GPC6: variants seen among roughly 807,000 people sequenced by gnomAD.
GPC6 encodes glypican-6.
Under a neutral mutation model 55.2 loss-of-function variants are expected in GPC6, and 14 were observed. The observed-to-expected ratio is 0.25, with a 90% CI of 0.17 to 0.40. GPC6 has a LOEUF of 0.40. Ranked by LOEUF, GPC6 falls within the 10% of genes least tolerant of loss-of-function variation. The pLI, the probability that GPC6 is intolerant of heterozygous loss-of-function variation, is 1.00. For synonymous variants in GPC6, 278 were observed against 259.6 expected (o/e 1.07, Z -0.68); for missense variants, 641 against 708.5 (o/e 0.90, Z 1.08).
intron 2 of GPC6, among the ~76,000 whole-genome samples, chr13:93,819,843 G>A (rs1189097429): frequency 6.6e-6 from 1 of 152,146 alleles, no homozygotes; most frequent in East Asian, 1.9e-4. Flanking sequence ...ATCTTTGGGA[G>A]AAATAACCTA....
chr13:94,342,418 G>A (rs117994039), intron 6 of GPC6, among the ~76,000 whole-genome samples: 109 of 152,284 alleles, frequency 7.2e-4, no homozygotes, highest in Non-Finnish European at 1.4e-3. Context: ...TACAGAGGAA[G>A]AACACCGTGT....
intron 2 of GPC6, among the ~76,000 whole-genome samples, chr13:93,818,021 TTA>T (rs1180625942): frequency 1.4e-5 from 2 of 147,500 alleles, no homozygotes; most frequent in African/African-American, 4.9e-5. Context: ...TACTTATATA[TTA>T]TAGATGTATT....
At chr13:93,716,235 T>C (rs1254480244) in intron 2 of GPC6, among the ~76,000 whole-genome samples, 1 of 151,684 alleles carries the variant, frequency 6.6e-6, no homozygotes, top group African/African-American at 2.4e-5. Context: ...TTTTAATCAT[T>C]ATTTCAGAGC....
intron 2 of GPC6, among the ~76,000 whole-genome samples, chr13:93,739,008 A>T (rs1186577141): frequency 6.6e-6 from 1 of 152,008 alleles, no homozygotes; most frequent in African/African-American, 2.4e-5. Flanking sequence ...TTCAGTAAAG[A>T]TATAATGACA....
At chr13:93,738,134 T>C (rs961883260) in intron 2 of GPC6, among the ~76,000 whole-genome samples, 5 of 152,214 alleles carry the variant, frequency 3.3e-5, no homozygotes, top group African/African-American at 1.2e-4. Context: ...TTAAGGAAAA[T>C]GCTAGTGCTT....
Position 94,382,503 on chromosome 13 carries a change from G to C in GPC6, c.1242G>C (p.Ala414=). The part of the protein sequence containing the change: ...YTICKDESVT[A]GTSNEEECWN... ...TCTGCAAGGACGAGAGCGTGACAGC[G>C]GGCACGTCCAACGAGGAGGAATGCT... Residue 414 remains alanine, a synonymous_variant, in exon 7 of 9, where the codon GCG becomes GCC. Coordinates refer to ENST00000377047, the MANE Select transcript of GPC6 (RefSeq NM_005708.5). 1 of 1,614,146 alleles carries C rather than the reference G, an allele frequency of 6.2e-7. No homozygotes were observed. The highest frequency in any genetic ancestry group is 1.7e-5 in the Admixed American group (1 of 60,020).
At chr13:93,507,175 G>C (rs1162351780) in intron 1 of GPC6, among the ~76,000 whole-genome samples, 15 of 151,132 alleles carry the variant, frequency 9.9e-5, no homozygotes, top group Non-Finnish European at 2.1e-4. Context: ...AAACAGGAAA[G>C]TAGGAAAGTG....
Position 94,324,560 on chromosome 13 carries a change from T to A in GPC6, c.1152+18437T>A, listed in dbSNP as rs143028560. ...AGCCACAAGAAGAATCTTGCAGCTA[T>A]TTTTATCTTCCCTCATCTTGACACC... On this transcript the variant is annotated intron_variant, in intron 6 of 8. Transcript: ENST00000377047. 8.4e-3 allele frequency among the ~76,000 whole-genome samples: 1,274 copies of A among 152,276 alleles called. 48 individuals carry two copies. Among genetic ancestry groups the A allele is most frequent in the Admixed American group, 0.072 (1,094 of 15,290 alleles).
chr13:93,635,361 T>C (rs898046913), intron 2 of GPC6, among the ~76,000 whole-genome samples: 1 of 152,186 alleles, frequency 6.6e-6, no homozygotes, highest in Non-Finnish European at 1.5e-5. Context: ...TCATGAAATA[T>C]TGAGCCTCCA....
intron 3 of GPC6, among the ~76,000 whole-genome samples, chr13:93,954,947 C>G (rs1234830983): frequency 6.6e-6 from 1 of 152,098 alleles, no homozygotes; most frequent in Non-Finnish European, 1.5e-5. Flanking sequence ...GAGTTGTCCC[C>G]ATAACAACCA....
chr13:94,180,379 C>T (rs1287889039), intron 4 of GPC6, among the ~76,000 whole-genome samples: 1 of 152,112 alleles, frequency 6.6e-6, no homozygotes, highest in Non-Finnish European at 1.5e-5. Context: ...TAGTGGTATC[C>T]ATTTATATTT....
intron 2 of GPC6, among the ~76,000 whole-genome samples, chr13:93,568,679 C>T (rs968506624): frequency 6.6e-6 from 1 of 152,138 alleles, no homozygotes; most frequent in Admixed American, 6.6e-5. Context: ...GAGACCTCTG[C>T]ACATCCTTAC....
chr13:93,801,790 G>C (rs906307233), intron 2 of GPC6, among the ~76,000 whole-genome samples: 4 of 152,192 alleles, frequency 2.6e-5, no homozygotes, highest in Non-Finnish European at 4.4e-5. Context: ...ACCTGAAAAA[G>C]TGGTAAAACA....
intron 3 of GPC6, among the ~76,000 whole-genome samples, chr13:93,847,748 C>T: frequency 6.6e-6 from 1 of 152,000 alleles, no homozygotes. Context: ...GGAATTGATA[C>T]TTTCACCGCC....
At chr13:93,895,109 T>G (rs1875912251) in intron 3 of GPC6, among the ~76,000 whole-genome samples, 1 of 150,332 alleles carries the variant, frequency 6.7e-6, no homozygotes, top group Admixed American at 6.7e-5. Context: ...TATATATATT[T>G]TCACCTCTAA....
intron 2 of GPC6, among the ~76,000 whole-genome samples, chr13:93,748,230 T>C (rs200054738): frequency 6.6e-6 from 1 of 152,152 alleles, no homozygotes; most frequent in Non-Finnish European, 1.5e-5. Flanking sequence ...AAATGACATA[T>C]TGCTTTGTAA....
intron 3 of GPC6, among the ~76,000 whole-genome samples, chr13:93,960,588 G>A (rs538176125): frequency 1.3e-5 from 2 of 152,100 alleles, no homozygotes; most frequent in Non-Finnish European, 2.9e-5. Context: ...GGTGTATAAG[G>A]TTCTCTTGTA....
At chr13:93,831,556 C>CTTT (rs34397604) in intron 3 of GPC6, among the ~76,000 whole-genome samples, 1 of 147,470 alleles carries the variant, frequency 6.8e-6, no homozygotes, top group Non-Finnish European at 1.5e-5. Flanking sequence ...TACAATGCTT[C>CTTT]TTTTTTTTTT....
At chr13:93,631,154 G>A (rs1879412074) in intron 2 of GPC6, among the ~76,000 whole-genome samples, 1 of 152,044 alleles carries the variant, frequency 6.6e-6, no homozygotes, top group Admixed American at 6.6e-5. Context: ...AGGGTTTACT[G>A]GGTGAAAAGG....
Sources: allele counts gnomAD v4.1 joint callset (sites outside exome capture counted in the v4.1 genomes callset), GRCh38; gene constraint gnomAD v4.1.1; transcripts MANE v1.5; gene names NCBI Gene and HGNC (gene_info 2026-07-23, HGNC 2026-07-21).